The following KIF16B variants were observed in gnomAD, a reference collection of about 807,000 sequenced individuals.
KIF16B encodes kinesin family member 16B.
KIF16B carries 98 observed loss-of-function variants against 156.3 expected under a neutral mutation model. The ratio of observed to expected loss-of-function variants is 0.63; its 90% CI spans 0.53 to 0.74. KIF16B has a LOEUF of 0.74. Among genes scored for constraint, KIF16B ranks in the 30% least tolerant of loss-of-function variants. The pLI, the probability that KIF16B is intolerant of heterozygous loss-of-function variation, is 0.00. For synonymous variants in KIF16B, 564 were observed against 583.7 expected (o/e 0.97, Z 0.49); for missense variants, 1,421 against 1,606.5 (o/e 0.88, Z 1.97).
At chr20:16,464,132 T>C (rs8117949) in intron 12 of KIF16B, among the ~76,000 whole-genome samples, 11,607 of 152,226 alleles carry the variant, frequency 0.076, 754 homozygotes, top group African/African-American at 0.18. Context: ...ACAATACTTA[T>C]GTTGCTCTGA....
chr20:16,419,274 G>T (rs1310108800), intron 15 of KIF16B, among the ~76,000 whole-genome samples: 1 of 152,160 alleles, frequency 6.6e-6, no homozygotes, highest in Non-Finnish European at 1.5e-5. Context: ...GACATATGAT[G>T]AATGCTTAGG....
In KIF16B at chr20:16,508,118, A is replaced by G. The variant is rs771132212; in HGVS notation, c.557-18T>C. 4.3e-6 allele frequency: 7 copies of G among 1,612,996 alleles called. No homozygotes were observed. The African/African-American group carries it at 6.7e-5, about 15-fold the overall frequency. Reference sequence around the variant, plus strand: ...GGATAAATCTGAAAAAGAAAATGGAAGGGGTGAAGAAATCCCCCTAATATA... The same window carrying G: ...GGATAAATCTGAAAAAGAAAATGGAGGGGGTGAAGAAATCCCCCTAATATA... On this transcript the variant is annotated intron_variant, in intron 6 of 25. Transcript: ENST00000354981.
chr20:16,360,495 A>T (rs4814477), intron 22 of KIF16B, among the ~76,000 whole-genome samples: 3,419 of 151,852 alleles, frequency 0.023, 131 homozygotes, highest in African/African-American at 0.078. Context: ...AGGAGGTGTG[A>T]GGAACACCTC....
intron 11 of KIF16B, among the ~76,000 whole-genome samples, chr20:16,495,685 G>A (rs2068429913): frequency 6.6e-6 from 1 of 152,072 alleles, no homozygotes; most frequent in South Asian, 2.1e-4. Context: ...TCTTGTTGTT[G>A]TTGTCTTTGG....
At chr20:16,292,608 T>G (rs938688122) in intron 25 of KIF16B, among the ~76,000 whole-genome samples, 1 of 152,202 alleles carries the variant, frequency 6.6e-6, no homozygotes, top group African/African-American at 2.4e-5. Flanking sequence ...GAAAGCCTAC[T>G]GCAAAGTGGG....
In KIF16B at chr20:16,273,022, C is replaced by T. The variant is rs570702850; in HGVS notation, c.*231G>A. The T allele has an allele frequency of 3.8e-5, 19 of 497,010 alleles. No individual in the cohort carries two copies. Among genetic ancestry groups the T allele is most frequent in the Non-Finnish European group, 5.8e-5 (16 of 276,204 alleles). The allele number at this position is 497,010 out of a possible 1,614,324, so 30.8% of individuals were successfully genotyped here. On this transcript the variant is annotated 3_prime_UTR_variant, in exon 26 of 26. Coordinates refer to ENST00000354981, the MANE Select transcript of KIF16B (RefSeq NM_024704.5). ...ACTGTGGGAAAAGGCCACGTTCAACCGCAATGGAACGGTAACGGCTGCCTG... is the reference window on the plus strand; with the variant it reads ...ACTGTGGGAAAAGGCCACGTTCAACTGCAATGGAACGGTAACGGCTGCCTG...
rs188568391 is a variant in KIF16B at position 16,322,083 on chromosome 20, A to G, written c.3712-9665T>C. ...GAAACAAACAAATGAGGATTACAAT[A>G]GCATATTTCTTAGGCCTAAGAAAAG... On this transcript the variant is annotated intron_variant, in intron 24 of 25. Transcript: ENST00000354981. 2.0e-5 allele frequency among the ~76,000 whole-genome samples: 3 copies of G among 152,174 alleles called. No individual in the cohort carries two copies. In the East Asian group the frequency reaches 5.8e-4, roughly 29 times the overall value.
intron 12 of KIF16B, among the ~76,000 whole-genome samples, chr20:16,449,089 G>A (rs1348118747): frequency 6.6e-6 from 1 of 152,052 alleles, no homozygotes; most frequent in African/African-American, 2.4e-5. Flanking sequence ...AACAGACACA[G>A]AGAAAGAAAA....
chr20:16,552,805 AT>A (rs910017505), intron 1 of KIF16B, among the ~76,000 whole-genome samples: 126 of 151,462 alleles, frequency 8.3e-4, no homozygotes, highest in African/African-American at 2.9e-3. Flanking sequence ...TTAATTTATT[AT>A]TTTTTTTTAA....
At chr20:16,367,409 CA>C in intron 22 of KIF16B, 1 of 1,612,866 alleles carries the variant, frequency 6.2e-7, no homozygotes, top group Non-Finnish European at 8.5e-7. Context: ...TCACTTAAAG[CA>C]TGGCATTTGA....
At chr20:16,558,631 G>A (rs1449767598) in intron 1 of KIF16B, among the ~76,000 whole-genome samples, 5 of 152,212 alleles carry the variant, frequency 3.3e-5, no homozygotes, top group African/African-American at 9.6e-5. Context: ...GGGTGGGTGC[G>A]ATGGCTCACG....
intron 12 of KIF16B, among the ~76,000 whole-genome samples, chr20:16,463,495 T>G (rs1185271744): frequency 6.6e-6 from 1 of 152,208 alleles, no homozygotes; most frequent in East Asian, 1.9e-4. Context: ...ACAAAAAGCC[T>G]GATTTTTCTA....
chr20:16,437,299 A>G (rs1419627225), intron 12 of KIF16B, among the ~76,000 whole-genome samples: 1 of 152,230 alleles, frequency 6.6e-6, no homozygotes, highest in East Asian at 1.9e-4. Context: ...ATGGAGGACC[A>G]ACTGCATACA....
chr20:16,430,536 G>A (rs2066469440), intron 12 of KIF16B, among the ~76,000 whole-genome samples: 1 of 151,976 alleles, frequency 6.6e-6, no homozygotes, highest in Admixed American at 6.6e-5. Flanking sequence ...ACGTCTTTTG[G>A]CCTTGCCTCT....
intron 25 of KIF16B, among the ~76,000 whole-genome samples, chr20:16,303,326 T>C (rs1312678389): frequency 6.6e-6 from 1 of 152,246 alleles, no homozygotes; most frequent in Admixed American, 6.5e-5. Context: ...TTTAACTTTA[T>C]TGTATATCAA....
At chr20:16,514,109 A>G (rs181128305) in intron 4 of KIF16B, among the ~76,000 whole-genome samples, 32 of 152,344 alleles carry the variant, frequency 2.1e-4, no homozygotes, top group Admixed American at 1.8e-3. Context: ...TTGGAGAAAA[A>G]CACTTGTAAT....
intron 15 of KIF16B, among the ~76,000 whole-genome samples, chr20:16,409,044 G>T (rs963630987): frequency 3.3e-5 from 5 of 152,070 alleles, no homozygotes; most frequent in South Asian, 2.1e-4. Flanking sequence ...CAGAGAGAGA[G>T]ATAAATAATC....
At chr20:16,273,814 T>C (rs1186900682) in intron 25 of KIF16B, among the ~76,000 whole-genome samples, 1 of 152,128 alleles carries the variant, frequency 6.6e-6, no homozygotes, top group East Asian at 1.9e-4. Flanking sequence ...ACGTGAGGAA[T>C]GCCCTCCACT....
chr20:16,568,370 C>T (rs535535106), intron 1 of KIF16B, among the ~76,000 whole-genome samples: 7 of 152,270 alleles, frequency 4.6e-5, no homozygotes, highest in African/African-American at 1.7e-4. Context: ...TTTTTAAATA[C>T]TTGTTTTTGA....
Sources: allele counts gnomAD v4.1 joint callset (sites outside exome capture counted in the v4.1 genomes callset), GRCh38; gene constraint gnomAD v4.1.1; transcripts MANE v1.5; gene names NCBI Gene and HGNC (gene_info 2026-07-23, HGNC 2026-07-21).